Variants in RCSD1 observed in about 807,000 individuals in gnomAD.
RCSD1 encodes RCSD domain containing 1, also known as capZ-interacting protein.
Under a neutral mutation model 42.5 loss-of-function variants are expected in RCSD1, and 26 were observed. The ratio of observed to expected loss-of-function variants is 0.61; its 90% CI spans 0.45 to 0.85. The LOEUF is 0.85. Among genes scored for constraint, RCSD1 ranks in the 40% least tolerant of loss-of-function variants. The pLI, the probability that RCSD1 is intolerant of heterozygous loss-of-function variation, is 0.00. For missense variants in RCSD1, 571 were observed against 528.3 expected, an observed-to-expected ratio of 1.08 and a Z score of -0.79; for synonymous variants, 220 against 212.2, an observed-to-expected ratio of 1.04 and a Z score of -0.32.
rs566404259 is a variant in RCSD1, at chr1:167,630,289, G to C, written c.-135G>C. On this transcript the variant is annotated 5_prime_UTR_variant, in exon 1 of 7. Coordinates refer to ENST00000367854, the MANE Select transcript of RCSD1 (RefSeq NM_052862.4). ...CCCGCAGCCGAGCGCAGCCGGGCGC[G>C]CGCCACCGCCCACTCGCCCTGTGCC... The C allele has an allele frequency of 3.9e-5, 38 of 980,014 alleles. No individual in the cohort carries two copies. In the African/African-American group the frequency reaches 5.3e-4, roughly 14 times the overall value. 60.7% of individuals were successfully genotyped at this position (980,014 alleles called of 1,614,324 possible).
chr1:167,642,925 C>T (rs72695395), intron 1 of RCSD1, among the ~76,000 whole-genome samples: 21,496 of 152,140 alleles, frequency 0.14, 2,034 homozygotes, highest in Non-Finnish European at 0.19. Flanking sequence ...ACAGACAGCC[C>T]TCTGCTCCCT....
intron 4 of RCSD1, 119 bp downstream of exon 4, chr1:167,690,239 A>G (rs1659344805): frequency 1.2e-6 from 1 of 817,848 alleles, no homozygotes. Flanking sequence ...AATTGGCCCC[A>G]ATAATCAGCC....
At chr1:167,669,864 G>A (rs1658759065) in intron 1 of RCSD1, among the ~76,000 whole-genome samples, 1 of 152,194 alleles carries the variant, frequency 6.6e-6, no homozygotes, top group Non-Finnish European at 1.5e-5. Flanking sequence ...TGTAACAGGA[G>A]AGGCTACAGC....
chr1:167,653,919 A>G (rs1253142250), intron 1 of RCSD1, among the ~76,000 whole-genome samples: 2 of 152,204 alleles, frequency 1.3e-5, no homozygotes, highest in African/African-American at 4.8e-5. Context: ...GGCTGCAGGA[A>G]GTCCCTGGTG....
At chr1:167,680,854 G>A (rs1659065302) in intron 1 of RCSD1, among the ~76,000 whole-genome samples, 2 of 152,230 alleles carry the variant, frequency 1.3e-5, no homozygotes, top group African/African-American at 4.8e-5. Flanking sequence ...AATCCAGAGA[G>A]GCTAAGGGTG....
chr1:167,666,028 T>G (rs1237809853), intron 1 of RCSD1, among the ~76,000 whole-genome samples: 1 of 152,190 alleles, frequency 6.6e-6, no homozygotes, highest in African/African-American at 2.4e-5. Flanking sequence ...GCCAGGCTGT[T>G]CTCAAACTCC....
At chr1:167,676,758 C>G (rs1658962250) in intron 1 of RCSD1, among the ~76,000 whole-genome samples, 1 of 152,204 alleles carries the variant, frequency 6.6e-6, no homozygotes, top group Non-Finnish European at 1.5e-5. Context: ...ACCTGGAGGA[C>G]CCTCCCAGGC....
At chr1:167,642,715 T>G (rs1229384) in intron 1 of RCSD1, among the ~76,000 whole-genome samples, 11,751 of 152,258 alleles carry the variant, frequency 0.077, 474 homozygotes, top group Non-Finnish European at 0.09. Flanking sequence ...TCTACGCCTT[T>G]TGATTGGAAT....
chr1:167,634,994 T>G (rs1419186173), intron 1 of RCSD1, among the ~76,000 whole-genome samples: 2 of 152,136 alleles, frequency 1.3e-5, no homozygotes, highest in Non-Finnish European at 2.9e-5. Context: ...ATATAATGTG[T>G]TTGTTTTGTG....
At chr1:167,633,861 A>T (rs1657763070) in intron 1 of RCSD1, 1 of 152,182 alleles carries the variant, frequency 6.6e-6, no homozygotes, top group Admixed American at 6.5e-5. Context: ...ATACAATAAG[A>T]ATGGAGAAGA....
intron 2 of RCSD1, 133 bp from the exon 3 acceptor site, chr1:167,685,288 C>A: frequency 1.6e-6 from 1 of 607,546 alleles, no homozygotes; most frequent in Non-Finnish European, 2.9e-6. Context: ...TATTCCTACA[C>A]TTCCCTAACA....
At chr1:167,665,138 G>C (rs988754976) in intron 1 of RCSD1, 2 of 151,762 alleles carry the variant, frequency 1.3e-5, no homozygotes, top group Non-Finnish European at 2.9e-5. Flanking sequence ...CCCCACCACT[G>C]GTCCCACGCA....
At chr1:167,662,803 T>A (rs1006324916) in intron 1 of RCSD1, among the ~76,000 whole-genome samples, 3 of 152,230 alleles carry the variant, frequency 2.0e-5, no homozygotes, top group African/African-American at 7.2e-5. Flanking sequence ...TAGCAAGCGC[T>A]GGGTTTGCTT....
intron 1 of RCSD1, among the ~76,000 whole-genome samples, chr1:167,648,274 A>G (rs1367212811): frequency 6.6e-6 from 1 of 152,248 alleles, no homozygotes; most frequent in Non-Finnish European, 1.5e-5. Flanking sequence ...TACAAATAAC[A>G]TAGCTATAAA....
rs1300521909 is a variant in RCSD1 at position 167,706,613 on chromosome 1, G to A, written c.*1917G>A. Among the ~76,000 whole-genome samples, 1 of 152,088 alleles carries A rather than the reference G, an allele frequency of 6.6e-6. No individual in the cohort carries two copies. The highest frequency in any genetic ancestry group is 1.5e-5 in the Non-Finnish European group (1 of 68,018). On this transcript the variant is annotated 3_prime_UTR_variant, in exon 7 of 7. Coordinates refer to ENST00000367854, the MANE Select transcript of RCSD1 (RefSeq NM_052862.4). ...AAAAATGACAAGAATGTGACATTGCGGCACCATGCTTGTGGGCATCAGAAT... is the reference window on the plus strand; with the variant it reads ...AAAAATGACAAGAATGTGACATTGCAGCACCATGCTTGTGGGCATCAGAAT...
At chr1:167,645,516 C>T (rs1368413158) in intron 1 of RCSD1, among the ~76,000 whole-genome samples, 1 of 152,184 alleles carries the variant, frequency 6.6e-6, no homozygotes, top group African/African-American at 2.4e-5. Flanking sequence ...GGGAATTTCA[C>T]AGAGAAAGAA....
At chr1:167,633,276 T>A (rs1168523329) in intron 1 of RCSD1, among the ~76,000 whole-genome samples, 3 of 152,230 alleles carry the variant, frequency 2.0e-5, no homozygotes, top group Non-Finnish European at 4.4e-5. Context: ...GTCACATATA[T>A]AATCTTCAAA....
chr1:167,688,463 T>C (rs991931769), intron 3 of RCSD1, among the ~76,000 whole-genome samples: 3 of 152,024 alleles, frequency 2.0e-5, no homozygotes, highest in African/African-American at 7.3e-5. Flanking sequence ...CTTGAAAGAC[T>C]GCTATAGGAA....
At chr1:167,663,851 G>A (rs1444946446) in intron 1 of RCSD1, 1 of 152,232 alleles carries the variant, frequency 6.6e-6, no homozygotes, top group African/African-American at 2.4e-5. Flanking sequence ...AAAATGAGGG[G>A]AGAGCTTATT....
Sources: allele counts gnomAD v4.1 joint callset (sites outside exome capture counted in the v4.1 genomes callset), GRCh38; gene constraint gnomAD v4.1.1; transcripts MANE v1.5; gene names NCBI Gene and HGNC (gene_info 2026-07-23, HGNC 2026-07-21).